SLC35D2: variants seen among roughly 807,000 people sequenced by gnomAD.
SLC35D2 encodes solute carrier family 35 member D2.
In SLC35D2, 43 loss-of-function variants were observed where a neutral mutation model predicts 41.8. That is an observed-to-expected ratio of 1.03 (90% CI 0.81 to 1.33). The LOEUF (loss-of-function observed/expected upper bound fraction) is 1.33, where lower values mean the gene tolerates loss of function less well. SLC35D2 is among the 40% of genes most tolerant of loss of function. The probability of loss-of-function intolerance (pLI) is 0.00; values close to 1 mark genes in which losing one functional copy is unlikely to be tolerated. For missense variants in SLC35D2, 380 were observed against 408.4 expected (o/e 0.93, Z 0.60); for synonymous variants, 150 against 163.9 (o/e 0.92, Z 0.65).
intron 1 of SLC35D2, among the ~76,000 whole-genome samples, chr9:96,382,566 A>G (rs1831248642): frequency 1.3e-5 from 2 of 150,956 alleles, no homozygotes; most frequent in Admixed American, 6.6e-5. Context: ...AAACCACCTC[A>G]GCCAGCCTCA....
Position 96,360,647 on chromosome 9 carries a change from A to G in SLC35D2, c.280-426T>C, listed in dbSNP as rs113581767. Among the ~76,000 whole-genome samples the G allele has an allele frequency of 2.2e-4, 32 of 146,674 alleles. 1 individual carries two copies. The highest frequency in any genetic ancestry group is 7.1e-4 in the African/African-American group (27 of 38,018). ...TCATCTCAAAAAAAAAAAAAAAAAA[A>G]AAAAAAAGAAAAGGTGCGCCTTCTC... On this transcript the variant is annotated intron_variant, in intron 3 of 11. Transcript: ENST00000253270.
chr9:96,374,488 C>T (rs1830847345), intron 1 of SLC35D2, among the ~76,000 whole-genome samples: 2 of 145,512 alleles, frequency 1.4e-5, no homozygotes. Flanking sequence ...GAGTCGAAAT[C>T]GTGCCACTGC....
chr9:96,324,501 T>C (rs1166272345), intron 9 of SLC35D2, among the ~76,000 whole-genome samples: 1 of 151,704 alleles, frequency 6.6e-6, no homozygotes, highest in African/African-American at 2.4e-5. Flanking sequence ...TAAATGAAGT[T>C]AAGAATTGGA....
At position 96,340,210 on chromosome 9, in the gene SLC35D2, TCTCA is replaced by T. The variant is rs914948026; in HGVS notation, c.685-3430_685-3427del. ...TACAGAGCAATGTTAGTAGTGGAAA[TCTCA>T]CTGTTGTTTTTTGCTTTTTGTTTTT... On this transcript the variant is annotated intron_variant, in intron 8 of 11. Transcript: ENST00000253270. 1.1e-3 allele frequency among the ~76,000 whole-genome samples: 171 copies of T among 152,312 alleles called. 1 individual carries two copies. The highest frequency in any genetic ancestry group is 4.0e-3 in the African/African-American group (166 of 41,580).
intron 8 of SLC35D2, among the ~76,000 whole-genome samples, chr9:96,337,807 C>A (rs903339076): frequency 6.6e-6 from 1 of 151,340 alleles, no homozygotes; most frequent in African/African-American, 2.4e-5. Flanking sequence ...CATGGTGAAA[C>A]CCTATCTCTA....
intron 10 of SLC35D2, among the ~76,000 whole-genome samples, chr9:96,323,799 G>A (rs929234053): frequency 1.3e-4 from 20 of 151,918 alleles, no homozygotes; most frequent in East Asian, 9.7e-4. Context: ...GGTGGCAGGC[G>A]CCTGTAATCC....
intron 1 of SLC35D2, among the ~76,000 whole-genome samples, chr9:96,383,144 G>A (rs79517706): frequency 0.019 from 2,843 of 152,268 alleles, 82 homozygotes; most frequent in African/African-American, 0.065. Flanking sequence ...TCTGTGTAAG[G>A]AATTGCGTCC....
At chr9:96,341,707 C>T (rs1208222369) in intron 8 of SLC35D2, among the ~76,000 whole-genome samples, 1 of 152,158 alleles carries the variant, frequency 6.6e-6, no homozygotes, top group African/African-American at 2.4e-5. Context: ...TCTGAAAACA[C>T]CATGCTACAA....
chr9:96,333,121 T>TC lies in SLC35D2; in HGVS notation c.752+3595dup, dbSNP rs1471717635. Among the ~76,000 whole-genome samples, 4 of 149,526 alleles carry TC rather than the reference T, an allele frequency of 2.7e-5. No individual in the cohort carries two copies. In the South Asian group the frequency reaches 8.7e-4, roughly 33 times the overall value. On this transcript the variant is annotated intron_variant, in intron 9 of 11. Coordinates refer to ENST00000253270, the MANE Select transcript of SLC35D2 (RefSeq NM_007001.3). ...ACCATGTTGGCCAGGCTGGTCTCAATCTCCTGACCTCATGATCTGCCCACC... is the reference window on the plus strand; with the variant it reads ...ACCATGTTGGCCAGGCTGGTCTCAATCCTCCTGACCTCATGATCTGCCCACC...
chr9:96,365,960 A>G (rs13286107), intron 2 of SLC35D2, among the ~76,000 whole-genome samples: 3,858 of 152,284 alleles, frequency 0.025, 71 homozygotes, highest in Middle Eastern at 0.054. Context: ...CCCATCCTGA[A>G]TTATAACTGT....
At chr9:96,363,226 C>G (rs1787814451) in intron 3 of SLC35D2, among the ~76,000 whole-genome samples, 1 of 151,052 alleles carries the variant, frequency 6.6e-6, no homozygotes, top group South Asian at 2.1e-4. Context: ...ACCTCCAACT[C>G]CTGGCCTCAG....
chr9:96,344,787 C>T (rs977508122), intron 7 of SLC35D2, among the ~76,000 whole-genome samples: 7 of 152,012 alleles, frequency 4.6e-5, no homozygotes, highest in African/African-American at 1.5e-4. Context: ...AGCAAAGCTC[C>T]TCTGCCCCAC....
chr9:96,361,295 A>G (rs145795417), intron 3 of SLC35D2, among the ~76,000 whole-genome samples: 1 of 152,264 alleles, frequency 6.6e-6, no homozygotes, highest in East Asian at 1.9e-4. Flanking sequence ...CTAATCCCCA[A>G]TGTGACTGTA....
downstream of SLC35D2, among the ~76,000 whole-genome samples, chr9:96,320,544 T>G (rs1354697323): frequency 1.3e-5 from 2 of 150,584 alleles, no homozygotes; most frequent in African/African-American, 2.4e-5. Context: ...GCTAACAGGA[T>G]AAAGCCTGAG....
chr9:96,336,599 C>G (rs1044269547), intron 9 of SLC35D2, 118 bp downstream of exon 9: 4 of 703,742 alleles, frequency 5.7e-6, no homozygotes, highest in African/African-American at 5.4e-5. Context: ...GGGGTACTTT[C>G]CAGAGAAAGT....
downstream of SLC35D2, among the ~76,000 whole-genome samples, chr9:96,316,810 C>T (rs1247340217): frequency 7.0e-6 from 1 of 142,348 alleles, no homozygotes; most frequent in Non-Finnish European, 1.5e-5. Context: ...TGTGAAAAAG[C>T]TCCAATGCTT....
At chr9:96,373,838 T>C (rs1830818185) in intron 1 of SLC35D2, among the ~76,000 whole-genome samples, 1 of 152,212 alleles carries the variant, frequency 6.6e-6, no homozygotes, top group African/African-American at 2.4e-5. Context: ...TTCTTCGCTT[T>C]AGGGGGACCA....
chr9:96,356,226 C>T (rs1220033281), intron 4 of SLC35D2, among the ~76,000 whole-genome samples: 1 of 152,228 alleles, frequency 6.6e-6, no homozygotes, highest in Non-Finnish European at 1.5e-5. Flanking sequence ...CAGATGCTGG[C>T]GCCATGCTTC....
At chr9:96,372,010 G>C (rs1830720122) in intron 1 of SLC35D2, among the ~76,000 whole-genome samples, 1 of 152,112 alleles carries the variant, frequency 6.6e-6, no homozygotes. Flanking sequence ...ACAGGCGTGA[G>C]CCACCGCGCC....
Sources: gnomAD v4.1 joint callset for allele counts (sites outside exome capture counted in the v4.1 genomes callset) on GRCh38, gnomAD v4.1.1 for gene constraint, MANE v1.5 for transcripts, NCBI Gene and HGNC (gene_info 2026-07-23, HGNC 2026-07-21) for gene names.